Variants in IPO11 observed in about 807,000 individuals in gnomAD.
IPO11 encodes the protein importin 11.
A neutral mutation model predicts 143.2 loss-of-function variants in IPO11; 66 were observed. The observed-to-expected ratio is 0.46, with a 90% CI of 0.38 to 0.57. The LOEUF is 0.57. Ranked by LOEUF, IPO11 falls within the 20% of genes least tolerant of loss-of-function variation. The pLI, the probability that IPO11 is intolerant of heterozygous loss-of-function variation, is 0.00. For synonymous variants in IPO11, 385 were observed against 377.8 expected (o/e 1.02, Z -0.22); for missense variants, 1,026 against 1,141.0 (o/e 0.90, Z 1.45).
At chr5:62,503,022 AC>A (rs1355176850) in intron 16 of IPO11, among the ~76,000 whole-genome samples, 23 of 151,828 alleles carry the variant, frequency 1.5e-4, no homozygotes, top group Admixed American at 1.5e-3. Context: ...ATGGGGTTTC[AC>A]CATGTTGGCC....
intron 29 of IPO11, among the ~76,000 whole-genome samples, chr5:62,616,009 A>C (rs1746116136): frequency 6.8e-6 from 1 of 147,370 alleles, no homozygotes; most frequent in Non-Finnish European, 1.5e-5. Context: ...CTAGATAGGA[A>C]CATTTGTCAT....
chr5:62,498,686 A>G (rs947419224), intron 16 of IPO11, among the ~76,000 whole-genome samples: 3 of 152,210 alleles, frequency 2.0e-5, no homozygotes, highest in Non-Finnish European at 2.9e-5. Context: ...CCTGGCCAAC[A>G]TGGGGAAACC....
intron 9 of IPO11, among the ~76,000 whole-genome samples, chr5:62,479,856 A>G (rs1188419794): frequency 6.6e-6 from 1 of 152,220 alleles, no homozygotes; most frequent in Non-Finnish European, 1.5e-5. Flanking sequence ...TCAGATGAGT[A>G]GATTGCAAAA....
intron 28 of IPO11, among the ~76,000 whole-genome samples, chr5:62,596,279 A>AAAAAAAAG (rs1352489977): frequency 6.6e-6 from 1 of 151,658 alleles, no homozygotes; most frequent in African/African-American, 2.4e-5. Flanking sequence ...AAAAAAAAAA[A>AAAAAAAAG]AAAAGAATTT....
At position 62,537,179 on chromosome 5, in the gene IPO11, T is replaced by G. The variant is rs757251128; in HGVS notation, c.2170-30T>G. 2.3e-6 allele frequency: 3 copies of G among 1,298,998 alleles called. No individual in the cohort carries two copies. The East Asian group carries it at 6.9e-5, about 30-fold the overall frequency. 80.5% of individuals were successfully genotyped at this position (1,298,998 alleles called of 1,614,324 possible). On this transcript the variant is annotated intron_variant, in intron 23 of 29. Transcript: ENST00000325324. ...CTTTTTGATATTACAGATATATTCT[T>G]ACATATATTGACTTTTAATTGAATT...
In IPO11 at chr5:62,418,780, C is replaced by T. The variant is rs184273128; in HGVS notation, c.-7+5851C>T. On this transcript the variant is annotated intron_variant, in intron 1 of 29. Transcript: ENST00000325324. The stretch of plus-strand genomic sequence containing the variant: ...ATACATATTTCACTAAAGATGTTCA[C>T]GTATTGTCTCCAAGTCTCTGTTAAT... 52 of 379,668 alleles carry T rather than the reference C, an allele frequency of 1.4e-4. 1 individual carries two copies. In the East Asian group the frequency reaches 1.7e-3, roughly 12 times the overall value. The allele number at this position is 379,668 out of a possible 1,614,324, so 23.5% of individuals were successfully genotyped here.
chr5:62,570,620 A>G (rs927027425), intron 27 of IPO11, among the ~76,000 whole-genome samples: 1 of 152,172 alleles, frequency 6.6e-6, no homozygotes, highest in African/African-American at 2.4e-5. Context: ...TAGAACAACA[A>G]TTTGTGTCTT....
chr5:62,602,705 T>G (rs1422100723), intron 29 of IPO11, among the ~76,000 whole-genome samples: 2 of 152,224 alleles, frequency 1.3e-5, no homozygotes, highest in Non-Finnish European at 2.9e-5. Context: ...ATTGCACTGC[T>G]CTGAGAGCCT....
intron 27 of IPO11, among the ~76,000 whole-genome samples, chr5:62,588,561 T>C (rs920233031): frequency 6.6e-5 from 10 of 152,200 alleles, no homozygotes; most frequent in Non-Finnish European, 1.2e-4. Flanking sequence ...CTTGGTGTTA[T>C]GGGGTTTTCT....
intron 18 of IPO11, among the ~76,000 whole-genome samples, chr5:62,505,943 A>G (rs979377295): frequency 5.9e-5 from 9 of 152,146 alleles, no homozygotes; most frequent in African/African-American, 2.2e-4. Context: ...AGTTAACAGT[A>G]TAAAATTTAA....
At chr5:62,579,537 G>A (rs187316290) in intron 27 of IPO11, 32 of 1,550,996 alleles carry the variant, frequency 2.1e-5, no homozygotes, top group Middle Eastern at 1.7e-4. Flanking sequence ...TTGGATGTTC[G>A]TCTGTTTGTC....
At chr5:62,529,448 A>G (rs1742471467) in intron 21 of IPO11, among the ~76,000 whole-genome samples, 3 of 152,120 alleles carry the variant, frequency 2.0e-5, no homozygotes, top group African/African-American at 7.2e-5. Context: ...CTATTAATGC[A>G]TATTATAAAC....
At chr5:62,439,739 T>C (rs1469341883) in intron 2 of IPO11, among the ~76,000 whole-genome samples, 1 of 152,162 alleles carries the variant, frequency 6.6e-6, no homozygotes, top group Non-Finnish European at 1.5e-5. Flanking sequence ...ACATTTCTTT[T>C]AGATGGAACA....
At chr5:62,599,701 A>C (rs1380556775) in intron 28 of IPO11, among the ~76,000 whole-genome samples, 3 of 152,190 alleles carry the variant, frequency 2.0e-5, no homozygotes, top group Non-Finnish European at 2.9e-5. Flanking sequence ...TTTAGAATGG[A>C]GGAGTGGCCA....
intron 2 of IPO11, among the ~76,000 whole-genome samples, chr5:62,440,218 G>A (rs1744415865): frequency 6.6e-6 from 1 of 152,188 alleles, no homozygotes; most frequent in Non-Finnish European, 1.5e-5. Context: ...AGACCCAAAA[G>A]AGGGACTTGC....
rs116033940 is a variant in IPO11 at position 62,518,966 on chromosome 5, T to C, written c.1896+3465T>C. Among the ~76,000 whole-genome samples the C allele has an allele frequency of 5.0e-3, 769 of 152,290 alleles. 8 individuals carry two copies. The highest frequency in any genetic ancestry group is 0.017 in the African/African-American group (723 of 41,562). On this transcript the variant is annotated intron_variant, in intron 20 of 29. Transcript: ENST00000325324. Reference sequence around the variant, plus strand: ...TGTCTAGGGAAATACTGAATAAGTGTGTTAATTGCCCTTTTAGCAATTAAG... The same window carrying C: ...TGTCTAGGGAAATACTGAATAAGTGCGTTAATTGCCCTTTTAGCAATTAAG...
At position 62,526,138 on chromosome 5, in the gene IPO11, A is replaced by G. The variant is rs772945430; in HGVS notation, c.1897-4A>G. On this transcript the variant is annotated splice_polypyrimidine_tract_variant and splice_region_variant and intron_variant, in intron 20 of 29. Coordinates refer to ENST00000325324, the MANE Select transcript of IPO11 (RefSeq NM_016338.5). ...ATTATAAGTTTTATTTATACTTCCC[A>G]TAGGGATTAGGAGCAGACAGCAAGA... The G allele has an allele frequency of 2.7e-5, 43 of 1,589,886 alleles. 1 individual carries two copies. The South Asian group carries it at 4.3e-4, about 16-fold the overall frequency.
intron 9 of IPO11, among the ~76,000 whole-genome samples, chr5:62,482,186 A>G (rs1321247160): frequency 1.3e-5 from 2 of 151,816 alleles, no homozygotes; most frequent in African/African-American, 4.8e-5. Flanking sequence ...TTTCTTCTTT[A>G]TTAGTCTTGC....
At chr5:62,436,507 C>T (rs538894432) in intron 1 of IPO11, among the ~76,000 whole-genome samples, 8 of 152,308 alleles carry the variant, frequency 5.3e-5, no homozygotes, top group Non-Finnish European at 1.2e-4. Flanking sequence ...AATAACTATA[C>T]ATACTTGCTA....
Sources: allele counts gnomAD v4.1 joint callset (sites outside exome capture counted in the v4.1 genomes callset), GRCh38; gene constraint gnomAD v4.1.1; transcripts MANE v1.5; gene names NCBI Gene and HGNC (gene_info 2026-07-23, HGNC 2026-07-21).